ARHGAP22: variants seen among roughly 807,000 people sequenced by gnomAD.
ARHGAP22 encodes rho GTPase-activating protein 22.
A neutral mutation model predicts 59.1 loss-of-function variants in ARHGAP22; 48 were observed. That is an observed-to-expected ratio of 0.81 (90% CI 0.64 to 1.03). The LOEUF is 1.03. Among genes scored for constraint, ARHGAP22 ranks in the 50% least tolerant of loss-of-function variants. The pLI, the probability that ARHGAP22 is intolerant of heterozygous loss-of-function variation, is 0.00. For synonymous variants in ARHGAP22, 445 were observed against 416.4 expected (o/e 1.07, Z -0.84); for missense variants, 1,015 against 958.7 (o/e 1.06, Z -0.78).
chr10:48,482,884 T>C (rs955740101), intron 3 of ARHGAP22, among the ~76,000 whole-genome samples: 1 of 152,110 alleles, frequency 6.6e-6, no homozygotes, highest in Non-Finnish European at 1.5e-5. Context: ...TTAGAATTTA[T>C]TCTAACTCTA....
intron 2 of ARHGAP22, among the ~76,000 whole-genome samples, chr10:48,577,811 T>C (rs950055266): frequency 7.9e-5 from 7 of 88,554 alleles, no homozygotes; most frequent in African/African-American, 1.6e-4. Context: ...GTTTTTTTTT[T>C]TTTTTTTTTT....
intron 3 of ARHGAP22, among the ~76,000 whole-genome samples, chr10:48,518,337 G>A (rs781498282): frequency 2.0e-5 from 3 of 152,236 alleles, no homozygotes; most frequent in Non-Finnish European, 4.4e-5. Context: ...GACAGAGTCT[G>A]CCCTGGCCTT....
intron 1 of ARHGAP22, among the ~76,000 whole-genome samples, chr10:48,613,469 C>A (rs1399891453): frequency 1.3e-5 from 2 of 152,078 alleles, no homozygotes; most frequent in Non-Finnish European, 2.9e-5. Context: ...ATTATTGGAA[C>A]CAGATAGAAG....
chr10:48,629,535 G>A (rs2061559961), intron 1 of ARHGAP22, among the ~76,000 whole-genome samples: 1 of 152,100 alleles, frequency 6.6e-6, no homozygotes, highest in South Asian at 2.1e-4. Context: ...ATTTGTGTGG[G>A]TCTATTTCTA....
intron 1 of ARHGAP22, chr10:48,624,007 G>A (rs2061365259): frequency 6.6e-6 from 1 of 152,236 alleles, no homozygotes. Context: ...GTCACACTTG[G>A]CTTCCCATGC....
chr10:48,577,249 A>G (rs2058776467), intron 2 of ARHGAP22, among the ~76,000 whole-genome samples: 1 of 152,122 alleles, frequency 6.6e-6, no homozygotes, highest in Admixed American at 6.5e-5. Context: ...CTCTGAGGAT[A>G]TTACAGTAGT....
chr10:48,595,804 C>T (rs889175688), intron 1 of ARHGAP22, among the ~76,000 whole-genome samples: 3 of 152,130 alleles, frequency 2.0e-5, no homozygotes, highest in Non-Finnish European at 4.4e-5. Flanking sequence ...AGCTACTACA[C>T]CCAGCTTAAT....
chr10:48,554,107 T>C (rs1218459238), intron 3 of ARHGAP22, among the ~76,000 whole-genome samples: 1 of 152,268 alleles, frequency 6.6e-6, no homozygotes, highest in South Asian at 2.1e-4. Context: ...ACAAAGATTC[T>C]TGCATTAGAT....
In ARHGAP22 at chr10:48,594,724, G is replaced by A. The variant is rs564974593; in HGVS notation, c.34+10039C>T. Among the ~76,000 whole-genome samples the A allele has an allele frequency of 6.6e-5, 10 of 152,170 alleles. No homozygotes were observed. In the East Asian group the frequency reaches 7.7e-4, roughly 12 times the overall value. On this transcript the variant is annotated intron_variant, in intron 1 of 9. Transcript: ENST00000249601. ...TAGGAGTTTATATCATCCACCCCTC[G>A]CCCAACTTAGGAGCTTAAAAACCTC...
intron 4 of ARHGAP22, among the ~76,000 whole-genome samples, chr10:48,478,763 G>T (rs1168230538): frequency 6.6e-6 from 1 of 152,106 alleles, no homozygotes; most frequent in Non-Finnish European, 1.5e-5. Flanking sequence ...CCCATGTCCA[G>T]ACCATAGGCA....
chr10:48,536,627 A>G (rs2055385390), intron 3 of ARHGAP22, among the ~76,000 whole-genome samples: 1 of 152,150 alleles, frequency 6.6e-6, no homozygotes, highest in South Asian at 2.1e-4. Flanking sequence ...TTTTCAGACT[A>G]TGGACACCAG....
intron 3 of ARHGAP22, 53 bp downstream of exon 3, chr10:48,555,410 G>A (rs949398390): frequency 1.9e-6 from 3 of 1,563,946 alleles, no homozygotes; most frequent in Non-Finnish European, 2.6e-6. Context: ...CCAGGCCAGG[G>A]GCATGGCAAC....
At chr10:48,620,918 C>T (rs1041455611) in intron 1 of ARHGAP22, among the ~76,000 whole-genome samples, 5 of 152,254 alleles carry the variant, frequency 3.3e-5, no homozygotes, top group Admixed American at 1.3e-4. Flanking sequence ...TCACCTTCCT[C>T]AGAGGGAGGA....
intron 3 of ARHGAP22, chr10:48,524,230 G>A (rs2054110835): frequency 2.1e-6 from 1 of 484,180 alleles, no homozygotes; most frequent in Non-Finnish European, 2.7e-6. Flanking sequence ...GGGACCGCCG[G>A]CCCGCGGCTC....
chr10:48,549,112 C>G (rs1352948910), intron 3 of ARHGAP22, among the ~76,000 whole-genome samples: 1 of 152,206 alleles, frequency 6.6e-6, no homozygotes, highest in Non-Finnish European at 1.5e-5. Flanking sequence ...GTTTAGCCCA[C>G]TAGCACTCAT....
intron 7 of ARHGAP22, 73 bp from the exon 8 acceptor site, chr10:48,453,498 G>A (rs949351762): frequency 6.3e-6 from 10 of 1,594,242 alleles, no homozygotes; most frequent in Admixed American, 1.7e-5. Flanking sequence ...CGGCCTGGAC[G>A]CACCGCCACA....
chr10:48,523,398 G>A (rs1164560021), intron 3 of ARHGAP22, among the ~76,000 whole-genome samples: 1 of 152,226 alleles, frequency 6.6e-6, no homozygotes, highest in Non-Finnish European at 1.5e-5. Context: ...TCAGTCAAGG[G>A]TTAAGTCGGC....
intron 1 of ARHGAP22, among the ~76,000 whole-genome samples, chr10:48,650,585 G>A (rs909334679): frequency 2.0e-5 from 3 of 152,186 alleles, no homozygotes; most frequent in Non-Finnish European, 4.4e-5. Flanking sequence ...TCTTGATAAA[G>A]ACATTAATTC....
upstream of ARHGAP22, among the ~76,000 whole-genome samples, chr10:48,653,315 C>T (rs1259577157): frequency 2.6e-5 from 4 of 152,248 alleles, no homozygotes; most frequent in Non-Finnish European, 4.4e-5. Flanking sequence ...TGCTCAGTGG[C>T]TCAGTGCAGG....
Sources: gnomAD v4.1 joint callset for allele counts (sites outside exome capture counted in the v4.1 genomes callset) on GRCh38, gnomAD v4.1.1 for gene constraint, MANE v1.5 for transcripts, NCBI Gene and HGNC (gene_info 2026-07-23, HGNC 2026-07-21) for gene names.